The following UGT2A3 variants were observed in gnomAD, a reference collection of about 807,000 sequenced individuals.
The protein encoded by UGT2A3 is UDP-glucuronosyltransferase 2A3.
A neutral mutation model predicts 44.1 loss-of-function variants in UGT2A3; 55 were observed. That is an observed-to-expected ratio of 1.25 (90% CI 1.00 to 1.56). The LOEUF is 1.56. Ranked by LOEUF, UGT2A3 falls within the 40% of genes most tolerant of loss-of-function variation. The probability of loss-of-function intolerance (pLI) is 0.00; values close to 1 mark genes in which losing one functional copy is unlikely to be tolerated. For synonymous variants in UGT2A3, 243 were observed against 215.1 expected (o/e 1.13, Z -1.13); for missense variants, 733 against 621.6 (o/e 1.18, Z -1.91).
At chr4:68,934,595 G>A (rs1458680651) in intron 2 of UGT2A3, among the ~76,000 whole-genome samples, 2 of 151,892 alleles carry the variant, frequency 1.3e-5, no homozygotes, top group Non-Finnish European at 2.9e-5. Context: ...AAGCAAATCA[G>A]GCATAGAGGC....
In UGT2A3 at chr4:68,929,583, T is replaced by C; in HGVS notation, c.*230A>G. The C allele has an allele frequency of 5.1e-6, 2 of 394,610 alleles. No homozygotes were observed. Among genetic ancestry groups the C allele is most frequent in the East Asian group, 3.9e-5 (1 of 25,604 alleles). 24.4% of individuals were successfully genotyped at this position (394,610 alleles called of 1,614,324 possible). On this transcript the variant is annotated 3_prime_UTR_variant, in exon 6 of 6. Coordinates refer to ENST00000251566, the MANE Select transcript of UGT2A3 (RefSeq NM_024743.4). Reference sequence around the variant, plus strand: ...CATATCAGAAATAGGAAAATTTAGATGTATTCATGTCCTTGTGTCACAAAG... The same window carrying C: ...CATATCAGAAATAGGAAAATTTAGACGTATTCATGTCCTTGTGTCACAAAG...
intron 2 of UGT2A3, among the ~76,000 whole-genome samples, chr4:68,944,382 C>A (rs1037995472): frequency 6.6e-6 from 1 of 151,772 alleles, no homozygotes; most frequent in African/African-American, 2.4e-5. Flanking sequence ...TATCCTAGAA[C>A]CTTGTCAGGT....
intron 5 of UGT2A3, 94 bp downstream of exon 5, chr4:68,930,452 C>T (rs1008146900): frequency 2.4e-5 from 29 of 1,216,650 alleles, no homozygotes; most frequent in South Asian, 9.8e-5. Flanking sequence ...AGTAAAATCC[C>T]TCAACATGTC....
At chr4:68,943,603 A>G (rs567501682) in intron 2 of UGT2A3, among the ~76,000 whole-genome samples, 5 of 151,838 alleles carry the variant, frequency 3.3e-5, no homozygotes, top group African/African-American at 9.6e-5. Context: ...AAATTCTTAT[A>G]ATTTTATGTT....
chr4:68,951,739 A>C lies in UGT2A3; in HGVS notation c.22T>G (p.Leu8Val), dbSNP rs767403540. ...AAGAGCTGCAGGAGCAGAAATACCA[A>C]AGCTGACTTGTCAGACCTCATGATG... MRSDKSA[L>V]VFLLLQLFCV... The change falls in exon 1 of 6, where the codon TTG (leucine) becomes GTG (valine). Residue 8 changes from leucine to valine, a missense_variant. Physicochemically the swap from Leu to Val is conservative, Grantham distance 32. Transcript: ENST00000251566. The C allele has an allele frequency of 3.8e-6, 6 of 1,597,820 alleles. No homozygotes were observed. In the East Asian group the frequency reaches 1.3e-4, roughly 36 times the overall value.
intron 1 of UGT2A3, 69 bp from the exon 2 acceptor site, chr4:68,945,523 A>G: frequency 1.4e-6 from 2 of 1,392,970 alleles, no homozygotes; most frequent in South Asian, 1.5e-5. Flanking sequence ...CTAATTTTTC[A>G]GTAAGCTATT....
At chr4:68,948,176 C>T (rs936720610) in intron 1 of UGT2A3, among the ~76,000 whole-genome samples, 2 of 151,900 alleles carry the variant, frequency 1.3e-5, no homozygotes, top group Non-Finnish European at 2.9e-5. Flanking sequence ...ACTGTAGCCA[C>T]ATTTACTGAG....
intron 2 of UGT2A3, among the ~76,000 whole-genome samples, chr4:68,944,350 A>G (rs901635782): frequency 6.6e-6 from 1 of 151,808 alleles, no homozygotes; most frequent in African/African-American, 2.4e-5. Context: ...TAAGAGGTAG[A>G]TTATGAACAT....
intron 5 of UGT2A3, 41 bp downstream of exon 5, chr4:68,930,505 T>G (rs3792630): frequency 6.6e-7 from 1 of 1,514,792 alleles, no homozygotes; most frequent in African/African-American, 1.4e-5. Flanking sequence ...ATGTATAACA[T>G]AGTCAATGTT....
intron 4 of UGT2A3, 35 bp downstream of exon 4, chr4:68,931,120 G>A (rs3966087): frequency 0.95 from 1,453,262 of 1,525,524 alleles, 700,208 homozygotes; most frequent in Non-Finnish European, 0.99. Flanking sequence ...TTTTTTCCTC[G>A]TCTAGTTCAT....
At chr4:68,945,951 C>T (rs1009220447) in intron 1 of UGT2A3, among the ~76,000 whole-genome samples, 2 of 151,472 alleles carry the variant, frequency 1.3e-5, no homozygotes, top group Non-Finnish European at 1.5e-5. Flanking sequence ...TCAATAATCC[C>T]ACCAGGATCA....
chr4:68,933,147 G>A (rs748121085), intron 2 of UGT2A3, among the ~76,000 whole-genome samples: 2 of 151,926 alleles, frequency 1.3e-5, no homozygotes, highest in Non-Finnish European at 2.9e-5. Flanking sequence ...AGCATCAATC[G>A]CTTTTAAAAG....
chr4:68,938,315 C>T (rs944377704), intron 2 of UGT2A3, among the ~76,000 whole-genome samples: 1 of 152,086 alleles, frequency 6.6e-6, no homozygotes, highest in Non-Finnish European at 1.5e-5. Flanking sequence ...CAATAAAATA[C>T]TGGCAAACCG....
Position 68,951,730 on chromosome 4 carries a change from G to T in UGT2A3, c.31C>A (p.Leu11Met). 6.2e-7 allele frequency: 1 copy of T among 1,602,550 alleles called. No homozygotes were observed. Among genetic ancestry groups the T allele is most frequent in the Non-Finnish European group, 8.5e-7 (1 of 1,174,576 alleles). Residue 11 changes from leucine to methionine, a missense_variant, in exon 1 of 6, where the codon CTG becomes ATG. Transcript: ENST00000251566. ...CCAACACAGAAGAGCTGCAGGAGCA[G>T]AAATACCAAAGCTGACTTGTCAGAC... The part of the protein sequence containing the change: MRSDKSALVF[L>M]LLQLFCVGCG...
intron 1 of UGT2A3, among the ~76,000 whole-genome samples, chr4:68,948,541 G>A (rs1718467613): frequency 7.1e-6 from 1 of 140,500 alleles, no homozygotes; most frequent in African/African-American, 2.7e-5. Context: ...TCAAACTTCT[G>A]GGCTCAAGCC....
chr4:68,947,051 G>T (rs1205593084), intron 1 of UGT2A3, among the ~76,000 whole-genome samples: 1 of 151,548 alleles, frequency 6.6e-6, no homozygotes, highest in Non-Finnish European at 1.5e-5. Flanking sequence ...AGGGCAGCTG[G>T]ACAATTTTTA....
chr4:68,951,415 C>A lies in UGT2A3; in HGVS notation c.346G>T (p.Glu116Ter), dbSNP rs758312360. The change falls in exon 1 of 6, where the codon GAA becomes TAA. Residue 116 changes from glutamate (E) to a stop codon, truncating the protein, a stop_gained. Transcript: ENST00000251566. LOFTEE classifies it high-confidence loss of function. ...SVIKLNDFFV[E>*]IRGTLKMMCE... The stretch of plus-strand genomic sequence containing the variant: ...ATCATTTTTAAAGTTCCTCTTATTT[C>A]AACAAAAAAATCATTTAATTTTATA... 6.2e-7 allele frequency: 1 copy of A among 1,610,992 alleles called. No homozygotes were observed. The highest frequency in any genetic ancestry group is 1.1e-5 in the South Asian group (1 of 90,800).
intron 3 of UGT2A3, among the ~76,000 whole-genome samples, chr4:68,932,270 ATTC>A (rs1237444887): frequency 1.3e-5 from 2 of 151,444 alleles, no homozygotes; most frequent in African/African-American, 4.8e-5. Flanking sequence ...CTTGAGATTG[ATTC>A]TTCTTTTTTT....
chr4:68,939,773 G>A (rs900322005), intron 2 of UGT2A3, among the ~76,000 whole-genome samples: 1 of 151,980 alleles, frequency 6.6e-6, no homozygotes, highest in African/African-American at 2.4e-5. Flanking sequence ...CTACAGAATG[G>A]GAGAAAATTT....
Sources: gnomAD v4.1 joint callset for allele counts (sites outside exome capture counted in the v4.1 genomes callset) on GRCh38, gnomAD v4.1.1 for gene constraint, MANE v1.5 for transcripts, NCBI Gene and HGNC (gene_info 2026-07-23, HGNC 2026-07-21) for gene names.